ANTXR2: variants seen among roughly 807,000 people sequenced by gnomAD.
The protein encoded by ANTXR2 is anthrax toxin receptor 2.
A neutral mutation model predicts 73.7 loss-of-function variants in ANTXR2; 44 were observed. That is an observed-to-expected ratio of 0.60 (90% confidence interval 0.47 to 0.77). The LOEUF (loss-of-function observed/expected upper bound fraction) is 0.77. ANTXR2 is among the 30% of genes least tolerant of loss of function. ANTXR2 has a pLI of 0.00. For synonymous variants in ANTXR2, 217 were observed against 205.9 expected (o/e 1.05, Z -0.46); for missense variants, 604 against 592.5 (o/e 1.02, Z -0.20).
chr4:80,021,393 C>T (rs1308581422), intron 10 of ANTXR2, among the ~76,000 whole-genome samples: 1 of 151,990 alleles, frequency 6.6e-6, no homozygotes, highest in Admixed American at 6.5e-5. Context: ...AATTCCTCTA[C>T]TTTAAAGAAT....
chr4:80,026,685 T>C (rs1335097372), intron 10 of ANTXR2, among the ~76,000 whole-genome samples: 3 of 152,168 alleles, frequency 2.0e-5, no homozygotes, highest in Non-Finnish European at 4.4e-5. Flanking sequence ...GTGCTTCCCC[T>C]TAACTTCACC....
intron 16 of ANTXR2, among the ~76,000 whole-genome samples, chr4:79,915,850 C>CTATA (rs1169457455): frequency 1.3e-4 from 16 of 120,586 alleles, no homozygotes; most frequent in South Asian, 5.5e-4. Flanking sequence ...CTCTCTCTCT[C>CTATA]TCTCTCTCTC....
intron 7 of ANTXR2, among the ~76,000 whole-genome samples, chr4:80,038,434 T>G (rs1733082649): frequency 6.6e-6 from 1 of 152,072 alleles, no homozygotes; most frequent in Non-Finnish European, 1.5e-5. Flanking sequence ...CCTCCAGGAC[T>G]GCTGGTGATC....
At chr4:79,967,008 C>T (rs1383561222) in intron 16 of ANTXR2, among the ~76,000 whole-genome samples, 3 of 44,000 alleles carry the variant, frequency 6.8e-5, no homozygotes, top group African/African-American at 9.1e-5. Flanking sequence ...TCTGAGGTAC[C>T]GGGTTCATCT....
chr4:80,032,115 A>G (rs900740446), intron 9 of ANTXR2, among the ~76,000 whole-genome samples: 3 of 151,806 alleles, frequency 2.0e-5, no homozygotes, highest in Admixed American at 6.6e-5. Context: ...ATTTGTCTAC[A>G]ATAAATAAAT....
At chr4:80,058,961 A>T (rs1364893132) in intron 3 of ANTXR2, among the ~76,000 whole-genome samples, 1 of 152,066 alleles carries the variant, frequency 6.6e-6, no homozygotes, top group Non-Finnish European at 1.5e-5. Context: ...ACCCCCAAGT[A>T]GTTGCTATGT....
At chr4:79,927,853 G>A (rs535286398) in intron 16 of ANTXR2, among the ~76,000 whole-genome samples, 39 of 152,098 alleles carry the variant, frequency 2.6e-4, no homozygotes, top group Non-Finnish European at 4.6e-4. Flanking sequence ...AAAAAATAAA[G>A]AAAATAACAA....
chr4:79,998,024 G>A (rs7692932), intron 12 of ANTXR2, among the ~76,000 whole-genome samples: 114,945 of 151,750 alleles, frequency 0.76, 43,791 homozygotes, highest in East Asian at 0.94. Context: ...AAATCAGGCT[G>A]CTCTCAAAGT....
At chr4:79,980,943 G>GGA (rs1560934561) in intron 14 of ANTXR2, among the ~76,000 whole-genome samples, 5 of 98,658 alleles carry the variant, frequency 5.1e-5, no homozygotes, top group African/African-American at 1.9e-4. Context: ...AAAAAAAAAA[G>GGA]AGAAGTACCT....
upstream of ANTXR2, chr4:80,073,301 T>C (rs1417408588): frequency 6.6e-6 from 1 of 152,436 alleles, no homozygotes; most frequent in Non-Finnish European, 1.5e-5. Flanking sequence ...CACTTGTGGG[T>C]TCCTGCCGAG....
intron 5 of ANTXR2, 53 bp from the exon 6 acceptor site, chr4:80,055,271 A>G: frequency 6.5e-7 from 1 of 1,544,168 alleles, no homozygotes. Context: ...AGAGGGAGAA[A>G]GTGAATTATT....
intron 16 of ANTXR2, among the ~76,000 whole-genome samples, chr4:79,935,679 A>G (rs1020458714): frequency 7.2e-5 from 11 of 152,202 alleles, no homozygotes; most frequent in Admixed American, 3.3e-4. Context: ...GTGAGAAGAA[A>G]GTCTTATTTA....
intron 11 of ANTXR2, among the ~76,000 whole-genome samples, chr4:80,014,935 C>T (rs977936397): frequency 6.6e-6 from 1 of 152,186 alleles, no homozygotes; most frequent in African/African-American, 2.4e-5. Context: ...CCTTTTGTTT[C>T]ATCACAGGTA....
Position 79,907,278 on chromosome 4 carries a change from G to T in ANTXR2, c.*151C>A. 1 of 820,782 alleles carries T rather than the reference G, an allele frequency of 1.2e-6. No individual in the cohort carries two copies. Among genetic ancestry groups the T allele is most frequent in the Non-Finnish European group, 2.0e-6 (1 of 502,956 alleles). 50.8% of individuals were successfully genotyped at this position (820,782 alleles called of 1,614,324 possible). ...TTTAGAAATGTTTGGTGCAAGCAAA[G>T]CAGAAGGCAGAGAAAACATTTCCCG... On this transcript the variant is annotated 3_prime_UTR_variant, in exon 17 of 17. Transcript: ENST00000403729.
At chr4:79,933,471 T>A (rs1183953211) in intron 16 of ANTXR2, among the ~76,000 whole-genome samples, 1 of 152,214 alleles carries the variant, frequency 6.6e-6, no homozygotes. Context: ...AGTTACCTTT[T>A]ATCCACTGTA....
chr4:79,980,329 A>G (rs7660670), intron 14 of ANTXR2, among the ~76,000 whole-genome samples: 98,488 of 152,044 alleles, frequency 0.65, 34,598 homozygotes, highest in East Asian at 0.96. Flanking sequence ...ACTCTTAAAA[A>G]CAATTAAATA....
chr4:80,048,703 G>A (rs1733632657), intron 7 of ANTXR2, among the ~76,000 whole-genome samples: 1 of 151,536 alleles, frequency 6.6e-6, no homozygotes, highest in South Asian at 2.1e-4. Flanking sequence ...AAATGTGTTT[G>A]CAATGTCTTC....
At chr4:80,000,619 A>C (rs1730983647) in intron 12 of ANTXR2, among the ~76,000 whole-genome samples, 1 of 152,202 alleles carries the variant, frequency 6.6e-6, no homozygotes, top group Middle Eastern at 3.4e-3. Flanking sequence ...ATTTTACTTA[A>C]GCATCACCAA....
intron 16 of ANTXR2, among the ~76,000 whole-genome samples, chr4:79,910,520 A>G (rs2109928039): frequency 9.1e-6 from 1 of 110,090 alleles, no homozygotes; most frequent in African/African-American, 4.9e-5. Flanking sequence ...AAAAAAAAAA[A>G]AAGAAAAAAA....
Sources: allele counts gnomAD v4.1 joint callset (sites outside exome capture counted in the v4.1 genomes callset), GRCh38; gene constraint gnomAD v4.1.1; transcripts MANE v1.5; gene names NCBI Gene and HGNC (gene_info 2026-07-23, HGNC 2026-07-21).